Variants in KAZN observed in about 807,000 individuals in gnomAD.
KAZN encodes the protein kazrin.
Under a neutral mutation model 87.4 loss-of-function variants are expected in KAZN, and 40 were observed. The ratio of observed to expected loss-of-function variants is 0.46; its 90% CI spans 0.36 to 0.60. The LOEUF is 0.60. Among genes scored for constraint, KAZN ranks in the 20% least tolerant of loss-of-function variants. The pLI, the probability that KAZN is intolerant of heterozygous loss-of-function variation, is 0.00. For synonymous variants in KAZN, 466 were observed against 458.3 expected, an observed-to-expected ratio of 1.02 and a Z score of -0.22; for missense variants, 898 against 1,073.9, an observed-to-expected ratio of 0.84 and a Z score of 2.29.
chr1:14,736,844 T>G (rs1168948980), intron 1 of KAZN, among the ~76,000 whole-genome samples: 1 of 152,108 alleles, frequency 6.6e-6, no homozygotes, highest in Non-Finnish European at 1.5e-5. Context: ...AGCTCCCACT[T>G]CATTCATTCA....
chr1:14,183,299 C>T (rs1307498673), intron 2 of KAZN, among the ~76,000 whole-genome samples: 1 of 152,148 alleles, frequency 6.6e-6, no homozygotes. Context: ...GATTGGCAGG[C>T]CTGACAATCC....
chr1:14,229,394 G>T (rs1647597314), intron 2 of KAZN, among the ~76,000 whole-genome samples: 3 of 152,128 alleles, frequency 2.0e-5, no homozygotes, highest in Admixed American at 2.0e-4. Flanking sequence ...AAGTGTTATT[G>T]AGGTGTTATT....
In KAZN at chr1:15,066,328, G is replaced by A. The variant is rs1639221800; in HGVS notation, c.1222+575G>A. The stretch of plus-strand genomic sequence containing the variant: ...GCAGAGGATGTGGTCTGTTTTTGAT[G>A]TCCCCCCTCCCGCCCCCCTGGTGTG... On this transcript the variant is annotated intron_variant, in intron 8 of 14. Transcript: ENST00000376030. The surrounding 1 kb of genome is among the most constrained non-coding windows in gnomAD (Gnocchi z 4.3). The A allele has an allele frequency of 2.0e-6, 2 of 985,444 alleles. No homozygotes were observed. Among genetic ancestry groups the A allele is most frequent in the South Asian group, 9.4e-5 (2 of 21,286 alleles). 61.0% of individuals were successfully genotyped at this position (985,444 alleles called of 1,614,324 possible).
chr1:14,762,642 G>A (rs1007954561), intron 1 of KAZN, among the ~76,000 whole-genome samples: 81 of 152,058 alleles, frequency 5.3e-4, no homozygotes, highest in Admixed American at 2.6e-3. Context: ...GGAGAATGGC[G>A]TGAACCCGGG....
At chr1:14,830,973 C>G (rs1206452286) in intron 1 of KAZN, among the ~76,000 whole-genome samples, 1 of 152,228 alleles carries the variant, frequency 6.6e-6, no homozygotes, top group Non-Finnish European at 1.5e-5. Context: ...TCCCCCAGCT[C>G]CAGCCCTTCT....
chr1:15,008,960 T>G (rs1252016097), intron 2 of KAZN, among the ~76,000 whole-genome samples: 1 of 152,222 alleles, frequency 6.6e-6, no homozygotes, highest in Non-Finnish European at 1.5e-5. Context: ...AGGAAATTCT[T>G]CACTTTGGTT....
intron 1 of KAZN, among the ~76,000 whole-genome samples, chr1:13,966,237 G>A (rs1027712167): frequency 6.6e-6 from 1 of 152,124 alleles, no homozygotes; most frequent in African/African-American, 2.4e-5. Context: ...CTGAGTGAGA[G>A]GCTGCTCAGG....
chr1:13,941,022 C>T (rs1039922499), intron 1 of KAZN, among the ~76,000 whole-genome samples: 10 of 151,970 alleles, frequency 6.6e-5, no homozygotes, highest in Admixed American at 2.6e-4. Flanking sequence ...TGGTGAAACT[C>T]GTTTTTACTA....
At chr1:14,830,471 G>C (rs566586647) in intron 1 of KAZN, among the ~76,000 whole-genome samples, 2 of 152,148 alleles carry the variant, frequency 1.3e-5, no homozygotes, top group South Asian at 2.1e-4. Context: ...GAGAAGGGGC[G>C]TATTAGTCCA....
At chr1:14,690,565 T>C (rs541118588) in intron 1 of KAZN, among the ~76,000 whole-genome samples, 1 of 138,012 alleles carries the variant, frequency 7.2e-6, no homozygotes, top group East Asian at 2.1e-4. Flanking sequence ...CTTCCCCCCA[T>C]TTCCAGTTCT....
At chr1:14,540,821 A>G (rs1288995131) in intron 2 of KAZN, among the ~76,000 whole-genome samples, 1 of 152,174 alleles carries the variant, frequency 6.6e-6, no homozygotes, top group African/African-American at 2.4e-5. Context: ...CTTGTCCTCT[A>G]CATGTTAGTA....
chr1:14,788,910 G>A (rs1273691900), intron 1 of KAZN, among the ~76,000 whole-genome samples: 1 of 152,048 alleles, frequency 6.6e-6, no homozygotes, highest in East Asian at 1.9e-4. Context: ...GAATCCCATG[G>A]GTTAAGATCT....
In KAZN at chr1:14,681,613, GTATATATATATATATATATATA is replaced by G. The variant is rs1338776154; in HGVS notation, c.226+82414_226+82435del. 4.7e-3 allele frequency among the ~76,000 whole-genome samples: 136 copies of G among 29,104 alleles called. 1 individual carries two copies. Among genetic ancestry groups the G allele is most frequent in the South Asian group, 0.015 (10 of 678 alleles). 19.1% of individuals were successfully genotyped at this position (29,104 alleles called of 152,430 possible). On this transcript the variant is annotated intron_variant, in intron 1 of 14. Transcript: ENST00000376030. Reference sequence around the variant, plus strand: ...TTTAACTATATATATATGTATATGTGTATATATATATATATATATATATATATATATATATATATATATATTT... The same window carrying G: ...TTTAACTATATATATATGTATATGTGTATATATATATATATATATATATTT...
At chr1:13,926,185 G>A (rs951176465) in intron 1 of KAZN, among the ~76,000 whole-genome samples, 6 of 152,026 alleles carry the variant, frequency 3.9e-5, no homozygotes, top group African/African-American at 7.2e-5. Flanking sequence ...TGCTGACTCC[G>A]ACAGCACTTC....
At chr1:13,957,771 GC>G (rs1197810252) in intron 1 of KAZN, among the ~76,000 whole-genome samples, 2 of 152,094 alleles carry the variant, frequency 1.3e-5, no homozygotes, top group Non-Finnish European at 2.9e-5. Flanking sequence ...CTGGGGGATG[GC>G]GTTAATCTAT....
chr1:15,039,419 G>A lies in KAZN; in HGVS notation c.555+4534G>A, dbSNP rs550924837. 1.4e-4 allele frequency among the ~76,000 whole-genome samples: 21 copies of A among 152,268 alleles called. No individual in the cohort carries two copies. In the South Asian group the frequency reaches 3.3e-3, roughly 24 times the overall value. On this transcript the variant is annotated intron_variant, in intron 3 of 14. Transcript: ENST00000376030. ...CCACTCAGTGCATGTTCAGAGGAACGAAGGAATGAGTCCCACTGTTTGCCA... is the reference window on the plus strand; with the variant it reads ...CCACTCAGTGCATGTTCAGAGGAACAAAGGAATGAGTCCCACTGTTTGCCA...
intron 1 of KAZN, among the ~76,000 whole-genome samples, chr1:14,114,517 G>A (rs1456162789): frequency 6.6e-6 from 1 of 151,558 alleles, no homozygotes; most frequent in African/African-American, 2.4e-5. Flanking sequence ...CCCCACCGTC[G>A]ATGCCCCCCA....
In KAZN at chr1:15,026,249, G is replaced by A. The variant is rs1280899075; in HGVS notation, c.419-8500G>A. On this transcript the variant is annotated intron_variant, in intron 2 of 14. Transcript: ENST00000376030. ...CGGGGAGCTGGAAGATAGGAAGAGA[G>A]GTTAACACTGAGCACCTGCTGTATG... is the stretch of plus-strand genomic sequence containing the variant. Among the ~76,000 whole-genome samples, 12 of 152,306 alleles carry A rather than the reference G, an allele frequency of 7.9e-5. No homozygotes were observed. In the East Asian group the frequency reaches 9.7e-4, roughly 12 times the overall value.
intron 1 of KAZN, among the ~76,000 whole-genome samples, chr1:14,702,595 G>A (rs1364349055): frequency 6.6e-6 from 1 of 152,082 alleles, no homozygotes; most frequent in East Asian, 1.9e-4. Context: ...TGGGAACGTG[G>A]TATGTATCGT....
Sources: gnomAD v4.1 joint callset for allele counts (sites outside exome capture counted in the v4.1 genomes callset) on GRCh38, gnomAD v4.1.1 for gene constraint, Gnocchi (gnomAD v3.1) non-coding constraint, MANE v1.5 for transcripts, NCBI Gene and HGNC (gene_info 2026-07-23, HGNC 2026-07-21) for gene names.